Variants in CST9 observed in about 807,000 individuals in gnomAD.
CST9 encodes the protein cystatin 9, also known as cystatin-9.
In CST9, 11 loss-of-function variants were observed where a neutral mutation model predicts 7.7. The ratio of observed to expected loss-of-function variants is 1.44; its 90% CI spans 0.90 to 2.38. CST9 has a LOEUF of 2.38. CST9 is among the 30% of genes most tolerant of loss of function. The pLI, the probability that CST9 is intolerant of heterozygous loss-of-function variation, is 0.00. For missense variants in CST9, 214 were observed against 199.1 expected (o/e 1.07, Z -0.45); for synonymous variants, 71 against 74.3 (o/e 0.96, Z 0.23).
In CST9 at chr20:23,603,704, G is replaced by C. The variant is rs1210554935; in HGVS notation, c.286C>G (p.Leu96Val). 1.9e-6 allele frequency: 3 copies of C among 1,614,250 alleles called. No homozygotes were observed. Among genetic ancestry groups the C allele is most frequent in the Non-Finnish European group, 2.5e-6 (3 of 1,180,048 alleles). Reference protein sequence around the residue: ...WRGKMVFSMNLQLRQTVCRKF... With the variant: ...WRGKMVFSMNVQLRQTVCRKF... ...CTACATACGGTTTGGCGCAGTTGCA[G>C]ATTCATGGAGAACACCATCTTACCT... The change falls in exon 2 of 2, where the codon CTG (leucine) becomes GTG (valine). Residue 96 changes from leucine to valine, a missense_variant. Transcript: ENST00000376971.
intron 1 of CST9, 114 bp from the exon 2 acceptor site, chr20:23,603,848 C>T: frequency 8.9e-7 from 1 of 1,118,784 alleles, no homozygotes; most frequent in Non-Finnish European, 1.3e-6. Context: ...CATTTGAGAG[C>T]TTGCCCATGG....
chr20:23,605,488 G>T (rs548135086), intron 1 of CST9, 122 bp downstream of exon 1: 18 of 1,101,558 alleles, frequency 1.6e-5, no homozygotes, highest in East Asian at 2.4e-5. Context: ...TACCGTAATT[G>T]GTTGTGGACT....
At chr20:23,603,802 T>A in intron 1 of CST9, 68 bp from the exon 2 acceptor site, 1 of 1,514,928 alleles carries the variant, frequency 6.6e-7, no homozygotes, top group South Asian at 1.2e-5. Context: ...CTAGTGAAGA[T>A]GCCATTTGAG....
Position 23,603,397 on chromosome 20 carries a change from A to G in CST9, c.*113T>C. The G allele has an allele frequency of 6.8e-7, 1 of 1,475,028 alleles. No homozygotes were observed. Among genetic ancestry groups the G allele is most frequent in the Non-Finnish European group, 9.0e-7 (1 of 1,114,524 alleles). 91.4% of individuals were successfully genotyped at this position (1,475,028 alleles called of 1,614,324 possible). A position where few individuals can be genotyped will look rare whatever the true frequency, so the allele number is the denominator to read the frequency against. The stretch of plus-strand genomic sequence containing the variant: ...CAGCTGCAATGGTGTCAGAGGGCAG[A>G]ATCAGGAAACTCAGATTGGCCAGGG... On this transcript the variant is annotated 3_prime_UTR_variant, in exon 2 of 2. Coordinates refer to ENST00000376971, the MANE Select transcript of CST9 (RefSeq NM_001008693.3).
In CST9 at chr20:23,602,908, C is replaced by A; in HGVS notation, c.*602G>T. ...CTGAACTACAACGTGATTTGAGGCT[C>A]CCTCCCTCCTTAGCCAGGGTCACTT... On this transcript the variant is annotated 3_prime_UTR_variant, in exon 2 of 2. Coordinates refer to ENST00000376971, the MANE Select transcript of CST9 (RefSeq NM_001008693.3). 1.0e-6 allele frequency: 1 copy of A among 988,292 alleles called. No homozygotes were observed. The highest frequency in any genetic ancestry group is 1.2e-6 in the Non-Finnish European group (1 of 832,108). The allele number at this position is 988,292 out of a possible 1,614,324, so 61.2% of individuals were successfully genotyped here.
At chr20:23,603,867 T>A (rs538031776) in intron 1 of CST9, 133 bp from the exon 2 acceptor site, 1 of 928,366 alleles carries the variant, frequency 1.1e-6, no homozygotes, top group Admixed American at 2.1e-5. Flanking sequence ...GGGCCTGGCA[T>A]CAGCTCACTG....
rs958314582 is a variant in CST9, at chr20:23,605,303, T to C, written c.255+307A>G. On this transcript the variant is annotated intron_variant, in intron 1 of 1. Transcript: ENST00000376971. ...ACCTGGAAATGTTTATCAGTCTCTT[T>C]GGTTATTTTCTCTTCTTGTCAGCTT... Among the ~76,000 whole-genome samples, 5 of 152,292 alleles carry C rather than the reference T, an allele frequency of 3.3e-5. No homozygotes were observed. The South Asian group carries it at 1.0e-3, about 32-fold the overall frequency.
rs1196171711 is a variant in CST9, at chr20:23,603,612, C to T, written c.378G>A (p.Gln126=). Residue 126 remains glutamine (Q), a synonymous_variant, in exon 2 of 2, where the codon CAG becomes CAA. Transcript: ENST00000376971. ...QESLELNNVR[Q]GISFPQVHSC... ...TGTGGACCTGAGGAAAGCTGATGCCCTGTCTTACGTTGTTCAGCTCCAGGC... is the reference window on the plus strand; with the variant it reads ...TGTGGACCTGAGGAAAGCTGATGCCTTGTCTTACGTTGTTCAGCTCCAGGC... 1.2e-6 allele frequency: 2 copies of T among 1,614,218 alleles called. No individual in the cohort carries two copies. The highest frequency in any genetic ancestry group is 2.2e-5 in the South Asian group (2 of 91,084).
Position 23,603,656 on chromosome 20 carries a change from TG to T in CST9, c.333del (p.Asp111GlufsTer11). The part of the protein sequence containing the change: ...TVCRKFEDDI[D>X]NCPFQESLEL... Reference sequence around the variant, plus strand: ...TCCAGGCTTTCTTGAAAAGGGCAGTTGTCAATGTCATCTTCAAATTTCCTAC... The same window carrying T: ...TCCAGGCTTTCTTGAAAAGGGCAGTTTCAATGTCATCTTCAAATTTCCTAC... On this transcript the variant is annotated frameshift_variant, in exon 2 of 2. Coordinates refer to ENST00000376971, the MANE Select transcript of CST9 (RefSeq NM_001008693.3). LOFTEE classifies it low-confidence loss of function (END_TRUNC). 1 of 1,614,230 alleles carries T rather than the reference TG, an allele frequency of 6.2e-7. No individual in the cohort carries two copies. Among genetic ancestry groups the T allele is most frequent in the Non-Finnish European group, 8.5e-7 (1 of 1,180,046 alleles).
At chr20:23,603,847 G>A in intron 1 of CST9, 113 bp from the exon 2 acceptor site, 6 of 1,117,854 alleles carry the variant, frequency 5.4e-6, no homozygotes, top group Non-Finnish European at 7.9e-6. Flanking sequence ...GCATTTGAGA[G>A]CTTGCCCATG....
At position 23,605,857 on chromosome 20, in the gene CST9, C is replaced by G; in HGVS notation, c.8G>C (p.Ser3Thr). The G allele has an allele frequency of 6.2e-7, 1 of 1,614,112 alleles. No homozygotes were observed. The highest frequency in any genetic ancestry group is 2.2e-5 in the East Asian group (1 of 44,876). ...GGGCATAGCCTTCCTCCTCTGCGGA[C>G]TCGACATGATGCAGGCTCCAGCAGC... MS[S>T]PQRRKAMPWA... The change falls in exon 1 of 2, where the codon AGT (serine) becomes ACT (threonine). Residue 3 changes from serine to threonine, a missense_variant. Physicochemically the swap from Ser to Thr is moderately conservative, Grantham distance 58. Coordinates refer to ENST00000376971, the MANE Select transcript of CST9 (RefSeq NM_001008693.3).
In CST9 at chr20:23,603,523, T is replaced by C; in HGVS notation, c.467A>G (p.Asp156Gly). The change falls in exon 2 of 2, where the codon GAC (aspartate) becomes GGC (glycine). Residue 156 changes from aspartate (D) to glycine (G), a missense_variant. Asp to Gly is a moderately conservative substitution (Grantham distance 94). Coordinates refer to ENST00000376971, the MANE Select transcript of CST9 (RefSeq NM_001008693.3). ...CCTGCTGTGGGCTCACTTCCCTTTG[T>C]CCCTCGGAATGGCTTTGTCAGCTGC... ...TGAADKAIPR[D>G]KGK 1 of 1,614,124 alleles carries C rather than the reference T, an allele frequency of 6.2e-7. No homozygotes were observed. The highest frequency in any genetic ancestry group is 8.5e-7 in the Non-Finnish European group (1 of 1,180,012).
intron 1 of CST9, 31 bp from the exon 2 acceptor site, chr20:23,603,765 C>T (rs769383338): frequency 6.2e-7 from 1 of 1,605,304 alleles, no homozygotes; most frequent in Non-Finnish European, 8.5e-7. Flanking sequence ...AAAGTGGATG[C>T]ACCGTCTTCC....
At position 23,605,910 on chromosome 20, in the gene CST9, C is replaced by T. The variant is rs62207039; in HGVS notation, c.-46G>A. 0.17 allele frequency: 267,414 copies of T among 1,603,724 alleles called. 23,260 individuals are homozygous for T. The highest frequency in any genetic ancestry group is 0.2 in the South Asian group (18,332 of 89,642). On this transcript the variant is annotated 5_prime_UTR_variant, in exon 1 of 2. Transcript: ENST00000376971. ...TTGCCTTTGCCCTTCAGATCCCTGG[C>T]GTCCACTGGAGCCTTCCAGGGCTCA...
At chr20:23,603,855 A>T (rs909425236) in intron 1 of CST9, 121 bp from the exon 2 acceptor site, 12 of 1,048,766 alleles carry the variant, frequency 1.1e-5, no homozygotes, top group Middle Eastern at 2.1e-4. Context: ...GAGCTTGCCC[A>T]TGGGCCTGGC....
Position 23,603,042 on chromosome 20 carries a change from A to T in CST9, c.*468T>A, listed in dbSNP as rs939916972. 14 of 1,006,440 alleles carry T rather than the reference A, an allele frequency of 1.4e-5. No individual in the cohort carries two copies. The highest frequency in any genetic ancestry group is 1.7e-5 in the Non-Finnish European group (14 of 843,278). The allele number at this position is 1,006,440 out of a possible 1,614,324, so 62.3% of individuals were successfully genotyped here. A position where few individuals can be genotyped will look rare whatever the true frequency, so the allele number is the denominator to read the frequency against. On this transcript the variant is annotated 3_prime_UTR_variant, in exon 2 of 2. Coordinates refer to ENST00000376971, the MANE Select transcript of CST9 (RefSeq NM_001008693.3). Reference sequence around the variant, plus strand: ...GAGAATGTTTTGTCCCAGTGGAAGCAGTTCCCAGACTTAGGCAATTAGTTA... The same window carrying T: ...GAGAATGTTTTGTCCCAGTGGAAGCTGTTCCCAGACTTAGGCAATTAGTTA...
At position 23,604,398 on chromosome 20, in the gene CST9, C is replaced by T. The variant is rs143985498; in HGVS notation, c.256-664G>A. Reference sequence around the variant, plus strand: ...GCCCCCAAACTGATGCTGGGATTGCCATATCCAGGAAGCCATGTGGAAAGC... The same window carrying T: ...GCCCCCAAACTGATGCTGGGATTGCTATATCCAGGAAGCCATGTGGAAAGC... On this transcript the variant is annotated intron_variant, in intron 1 of 1. Coordinates refer to ENST00000376971, the MANE Select transcript of CST9 (RefSeq NM_001008693.3). Among the ~76,000 whole-genome samples the T allele has an allele frequency of 3.9e-4, 59 of 152,300 alleles. No homozygotes were observed. In the East Asian group the frequency reaches 0.011, roughly 28 times the overall value.
In CST9 at chr20:23,602,790, C is replaced by G; in HGVS notation, c.*720G>C. 2 of 985,690 alleles carry G rather than the reference C, an allele frequency of 2.0e-6. No individual in the cohort carries two copies. Among genetic ancestry groups the G allele is most frequent in the South Asian group, 9.4e-5 (2 of 21,286 alleles). 61.1% of individuals were successfully genotyped at this position (985,690 alleles called of 1,614,324 possible). On this transcript the variant is annotated 3_prime_UTR_variant, in exon 2 of 2. Coordinates refer to ENST00000376971, the MANE Select transcript of CST9 (RefSeq NM_001008693.3). ...GGAATCTTGTGGCATCTGCCCTCAA[C>G]ACAGGTTCCATCTCCACCTTGCCCA...
chr20:23,605,026 T>A (rs914264756), intron 1 of CST9, among the ~76,000 whole-genome samples: 2 of 151,904 alleles, frequency 1.3e-5, no homozygotes. Context: ...TGAGGAAGAG[T>A]GTAAATTGGC....
Sources: gnomAD v4.1 joint callset for allele counts (sites outside exome capture counted in the v4.1 genomes callset) on GRCh38, gnomAD v4.1.1 for gene constraint, MANE v1.5 for transcripts, NCBI Gene and HGNC (gene_info 2026-07-23, HGNC 2026-07-21) for gene names.